The following ADAM10 variants were observed in gnomAD, a reference collection of about 807,000 sequenced individuals.
ADAM10 encodes disintegrin and metalloproteinase domain-containing protein 10.
Under a neutral mutation model 90.1 loss-of-function variants are expected in ADAM10, and 17 were observed. That is an observed-to-expected ratio of 0.19 (90% CI 0.13 to 0.28). The LOEUF is 0.28. Ranked by LOEUF, ADAM10 falls within the 10% of genes least tolerant of loss-of-function variation. The probability of loss-of-function intolerance (pLI) is 1.00; values close to 1 mark genes in which losing one functional copy is unlikely to be tolerated. For missense variants in ADAM10, 610 were observed against 914.3 expected (o/e 0.67, Z 4.29); for synonymous variants, 310 against 298.6 (o/e 1.04, Z -0.40).
chr15:58,601,715 G>A (rs1361540281), intron 14 of ADAM10, among the ~76,000 whole-genome samples: 1 of 152,140 alleles, frequency 6.6e-6, no homozygotes, highest in Non-Finnish European at 1.5e-5. Context: ...AGAATCGTGT[G>A]CTATATTTAG....
At chr15:58,599,783 TC>T in intron 14 of ADAM10, 59 bp from the exon 15 acceptor site, 1 of 1,530,480 alleles carries the variant, frequency 6.5e-7, no homozygotes, top group Non-Finnish European at 9.0e-7. Context: ...TTTTAGAGTA[TC>T]TTTTACAGTA....
intron 1 of ADAM10, among the ~76,000 whole-genome samples, chr15:58,729,241 C>T (rs993178354): frequency 2.0e-5 from 3 of 152,132 alleles, no homozygotes; most frequent in Admixed American, 1.3e-4. Context: ...CTACTACTCA[C>T]TATGTGTTCA....
At chr15:58,645,796 C>G (rs1029744896) in intron 6 of ADAM10, among the ~76,000 whole-genome samples, 1 of 152,080 alleles carries the variant, frequency 6.6e-6, no homozygotes, top group African/African-American at 2.4e-5. Context: ...AATGAAAATT[C>G]AACTCTCTTT....
At chr15:58,710,324 T>C (rs549200158) in intron 2 of ADAM10, among the ~76,000 whole-genome samples, 1 of 152,332 alleles carries the variant, frequency 6.6e-6, no homozygotes, top group South Asian at 2.1e-4. Flanking sequence ...CTCAAAGCAA[T>C]GATCAGCTCC....
chr15:58,691,856 A>G (rs1305855432), intron 2 of ADAM10, among the ~76,000 whole-genome samples: 1 of 151,468 alleles, frequency 6.6e-6, no homozygotes, highest in African/African-American at 2.4e-5. Flanking sequence ...TTGTATTTTT[A>G]GTAGAGACGG....
chr15:58,683,009 A>T (rs1897482208), intron 2 of ADAM10, among the ~76,000 whole-genome samples: 1 of 152,234 alleles, frequency 6.6e-6, no homozygotes, highest in Non-Finnish European at 1.5e-5. Flanking sequence ...TCAAATCTTA[A>T]GCCTAGAATT....
chr15:58,665,472 C>G (rs988919556), intron 4 of ADAM10, among the ~76,000 whole-genome samples: 2 of 151,918 alleles, frequency 1.3e-5, no homozygotes, highest in Admixed American at 6.6e-5. Context: ...TTATTCTGAC[C>G]CTATCACCAA....
chr15:58,743,949 T>C (rs1385351253), intron 1 of ADAM10, among the ~76,000 whole-genome samples: 1 of 152,200 alleles, frequency 6.6e-6, no homozygotes. Context: ...CTGTAGAAAA[T>C]ATTACAGTTG....
intron 4 of ADAM10, among the ~76,000 whole-genome samples, chr15:58,671,987 G>A (rs372867738): frequency 5.9e-5 from 9 of 151,956 alleles, no homozygotes; most frequent in South Asian, 2.1e-4. Context: ...TTCAGTTTCC[G>A]TCATCTTTAG....
chr15:58,597,704 C>G (rs911442712), intron 15 of ADAM10, 63 bp from the exon 16 acceptor site: 1 of 1,578,428 alleles, frequency 6.3e-7, no homozygotes, highest in African/African-American at 1.3e-5. Flanking sequence ...TCTTTAAAAG[C>G]AAAGCTGCTG....
chr15:58,597,334 TG>T lies in ADAM10; in HGVS notation c.*212del. 6.7e-7 allele frequency: 1 copy of T among 1,501,178 alleles called. No homozygotes were observed. 93.0% of individuals were successfully genotyped at this position (1,501,178 alleles called of 1,614,324 possible). On this transcript the variant is annotated 3_prime_UTR_variant, in exon 16 of 16. Coordinates refer to ENST00000260408, the MANE Select transcript of ADAM10 (RefSeq NM_001110.4). ...TAAAAATATCTGTTCATAAGAAAAT[TG>T]GGTTCCTTTTCCACCTCCCACCCCC...
intron 11 of ADAM10, among the ~76,000 whole-genome samples, chr15:58,619,773 G>A (rs1391187809): frequency 1.3e-5 from 2 of 151,820 alleles, no homozygotes; most frequent in African/African-American, 2.4e-5. Flanking sequence ...GCGTGGTGGC[G>A]GGCGCCTGTA....
chr15:58,645,989 T>A, intron 6 of ADAM10, 66 bp downstream of exon 6: 1 of 1,564,532 alleles, frequency 6.4e-7, no homozygotes, highest in African/African-American at 1.4e-5. Flanking sequence ...CTTAAATTTT[T>A]AAAGGAAAGA....
At chr15:58,647,250 T>TTC (rs1566979052) in intron 5 of ADAM10, among the ~76,000 whole-genome samples, 7 of 42,798 alleles carry the variant, frequency 1.6e-4, no homozygotes, top group African/African-American at 9.3e-4. Flanking sequence ...CACTAAGTAT[T>TTC]TTTTTTTTTT....
intron 6 of ADAM10, among the ~76,000 whole-genome samples, chr15:58,644,594 C>T (rs9920310): frequency 0.28 from 42,577 of 151,980 alleles, 8,441 homozygotes; most frequent in African/African-American, 0.55. Flanking sequence ...TACAACGTCA[C>T]ACGTCCATTC....
In ADAM10 at chr15:58,612,000, A is replaced by C. The variant is rs755268496; in HGVS notation, c.1512-9T>G. 6.2e-7 allele frequency: 1 copy of C among 1,613,392 alleles called. No homozygotes were observed. Among genetic ancestry groups the C allele is most frequent in the South Asian group, 1.1e-5 (1 of 91,064 alleles). On this transcript the variant is annotated splice_polypyrimidine_tract_variant and intron_variant, in intron 11 of 15. Coordinates refer to ENST00000260408, the MANE Select transcript of ADAM10 (RefSeq NM_001110.4). The stretch of plus-strand genomic sequence containing the variant: ...AAGGACCTTGACTTGGACTAGAGGA[A>C]ACATTAAGTGATTAAACAAAGTAAA...
chr15:58,610,101 T>C (rs1408723925), intron 14 of ADAM10, 196 bp downstream of exon 14: 28 of 631,460 alleles, frequency 4.4e-5, no homozygotes, highest in Non-Finnish European at 5.9e-5. Flanking sequence ...CTAAGCAATC[T>C]ATGAATGATA....
rs1376098952 is a variant in ADAM10, at chr15:58,737,375, TA to T, written c.55+12104del. On this transcript the variant is annotated intron_variant, in intron 1 of 15. Transcript: ENST00000260408. ...CATCCAAAAAATAAAATACCTTCTA[TA>T]AAGAACCTGACTGACTAAAAGGCAA... Among the ~76,000 whole-genome samples the T allele has an allele frequency of 3.3e-5, 5 of 152,162 alleles. No homozygotes were observed. The East Asian group carries it at 9.6e-4, about 29-fold the overall frequency.
chr15:58,621,767 G>A (rs1449106816), intron 10 of ADAM10, 146 bp from the exon 11 acceptor site: 7 of 1,023,794 alleles, frequency 6.8e-6, no homozygotes, highest in East Asian at 2.6e-5. Flanking sequence ...TGGAAATTAC[G>A]AGACCTAATT....
Sources: allele counts gnomAD v4.1 joint callset (sites outside exome capture counted in the v4.1 genomes callset), GRCh38; gene constraint gnomAD v4.1.1; transcripts MANE v1.5; gene names NCBI Gene and HGNC (gene_info 2026-07-23, HGNC 2026-07-21).